The following SERPINH1 variants were observed in gnomAD, a reference collection of about 807,000 sequenced individuals.
The protein encoded by SERPINH1 is serpin H1.
A neutral mutation model predicts 32.3 loss-of-function variants in SERPINH1; 22 were observed. The ratio of observed to expected loss-of-function variants is 0.68; its 90% CI spans 0.49 to 0.97. The LOEUF is 0.97. SERPINH1 is among the 50% of genes least tolerant of loss of function. The pLI is 0.00. For missense variants in SERPINH1, 543 were observed against 576.4 expected (o/e 0.94, Z 0.59); for synonymous variants, 251 against 245.9 (o/e 1.02, Z -0.19).
intron 1 of SERPINH1, among the ~76,000 whole-genome samples, chr11:75,565,724 G>C (rs604021): frequency 0.33 from 50,479 of 152,128 alleles, 8,626 homozygotes; most frequent in South Asian, 0.48. Flanking sequence ...TCCCAGAGCA[G>C]AATGAAAGGC....
rs1407839158 is a variant in SERPINH1 at position 75,566,511 on chromosome 11, G to T, written c.162G>T (p.Leu54Phe). Residue 54 changes from leucine to phenylalanine, a missense_variant, in exon 2 of 5, where the codon TTG becomes TTT. This residue lies in a region of SERPINH1 where 109 missense variants were observed against 102.4 expected (regional missense o/e 1.06). Transcript: ENST00000358171. ...GCAGCGCCGGCCTGGCCTTCAGCTT[G>T]TACCAGGCCATGGCCAAGGACCAGG... ...AERSAGLAFS[L>F]YQAMAKDQAV... The T allele has an allele frequency of 1.2e-6, 2 of 1,612,444 alleles. No individual in the cohort carries two copies. Among genetic ancestry groups the T allele is most frequent in the Non-Finnish European group, 1.7e-6 (2 of 1,179,810 alleles).
At position 75,571,968 on chromosome 11, in the gene SERPINH1, TGTTCTACGCCGACCAC is replaced by T; in HGVS notation, c.1143_1158del (p.Phe382ProfsTer5). On this transcript the variant is annotated frameshift_variant, in exon 5 of 5. Transcript: ENST00000358171. LOFTEE classifies it high-confidence loss of function. ...CGCGAGGAGCTGCGCAGCCCCAAGC[TGTTCTACGCCGACCAC>T]CCCTTCATCTTCCTAGTGCGGGACA... The T allele has an allele frequency of 6.2e-7, 1 of 1,614,170 alleles. No homozygotes were observed. The highest frequency in any genetic ancestry group is 2.2e-5 in the East Asian group (1 of 44,880).
intron 4 of SERPINH1, 69 bp downstream of exon 4, chr11:75,569,240 C>T (rs1400356498): frequency 2.6e-6 from 3 of 1,166,140 alleles, no homozygotes; most frequent in Non-Finnish European, 3.8e-6. Flanking sequence ...GGGACCCACT[C>T]ACCAATTCAG....
At position 75,566,615 on chromosome 11, in the gene SERPINH1, C is replaced by G. The variant is rs1419722597; in HGVS notation, c.266C>G (p.Thr89Arg). ...GTGTCGCTGGGCGGCAAGGCGACCA[C>G]GGCGTCGCAGGCCAAGGCAGTGCTG... ...GLVSLGGKAT[T>R]ASQAKAVLSA... Residue 89 changes from threonine (T) to arginine (R), a missense_variant, in exon 2 of 5, where the codon ACG becomes AGG. By Grantham distance (71) the Thr-to-Arg change is moderately conservative (BLOSUM62 -1). Coordinates refer to ENST00000358171, the MANE Select transcript of SERPINH1 (RefSeq NM_001235.5). 6.2e-7 allele frequency: 1 copy of G among 1,607,360 alleles called. No individual in the cohort carries two copies. The highest frequency in any genetic ancestry group is 8.5e-7 in the Non-Finnish European group (1 of 1,179,012).
In SERPINH1 at chr11:75,569,118, G is replaced by A. The variant is rs1942153093; in HGVS notation, c.901G>A (p.Ala301Thr). 2 of 1,613,950 alleles carry A rather than the reference G, an allele frequency of 1.2e-6. No individual in the cohort carries two copies. Among genetic ancestry groups the A allele is most frequent in the South Asian group, 2.2e-5 (2 of 91,060 alleles). The change falls in exon 4 of 5, where the codon GCT becomes ACT. Residue 301 changes from alanine (A) to threonine (T), a missense_variant. Ala to Thr is a moderately conservative substitution (Grantham distance 58). Around this residue, in one of 3 missense-constraint regions of SERPINH1, gnomAD observed 427 missense variants for 446.4 expected, o/e 0.96. Coordinates refer to ENST00000358171, the MANE Select transcript of SERPINH1 (RefSeq NM_001235.5). Reference sequence around the variant, plus strand: ...CTGGATGGGGAAGATGCAGAAGAAGGCTGTTGCCATCTCCTTGCCCAAGGG... The same window carrying A: ...CTGGATGGGGAAGATGCAGAAGAAGACTGTTGCCATCTCCTTGCCCAAGGG... ...KIWMGKMQKK[A>T]VAISLPKGVV... is the part of the protein sequence containing the mutation.
At position 75,569,143 on chromosome 11, in the gene SERPINH1, G is replaced by A. The variant is rs753068848; in HGVS notation, c.926G>A (p.Gly309Asp). Residue 309 changes from glycine (G) to aspartate (D), a missense_variant, in exon 4 of 5, where the codon GGT (glycine) becomes GAT (aspartate). By Grantham distance (94) the Gly-to-Asp change is moderately conservative. Around this residue, in one of 3 missense-constraint regions of SERPINH1, gnomAD observed 427 missense variants for 446.4 expected, o/e 0.96. Transcript: ENST00000358171. ...GCTGTTGCCATCTCCTTGCCCAAGGGTGTGGTGGAGGTGACCCATGACCTG... is the reference window on the plus strand; with the variant it reads ...GCTGTTGCCATCTCCTTGCCCAAGGATGTGGTGGAGGTGACCCATGACCTG... ...KKAVAISLPK[G>D]VVEVTHDLQK... 6.8e-6 allele frequency: 11 copies of A among 1,612,478 alleles called. No individual in the cohort carries two copies. Among genetic ancestry groups the A allele is most frequent in the South Asian group, 3.3e-5 (3 of 90,830 alleles).
intron 4 of SERPINH1, among the ~76,000 whole-genome samples, chr11:75,570,689 C>T (rs1009745764): frequency 6.6e-6 from 1 of 152,184 alleles, no homozygotes; most frequent in Admixed American, 6.5e-5. Flanking sequence ...ATCCTGGACC[C>T]GGATGCTGCC....
rs1942140905 is a variant in SERPINH1 at position 75,568,788 on chromosome 11, C to T, written c.680C>T (p.Thr227Ile). The change falls in exon 3 of 5, where the codon ACT (threonine) becomes ATT (isoleucine). Residue 227 changes from threonine (T) to isoleucine (I), a missense_variant. Thr to Ile is a moderately conservative substitution (Grantham distance 89). This residue lies in a region of SERPINH1 where 427 missense variants were observed against 446.4 expected (regional missense o/e 0.96). Transcript: ENST00000358171. ...GTGGACAACCGTGGCTTCATGGTGA[C>T]TCGGTCCTATACCGTGGGTGTCATG... ...KMVDNRGFMV[T>I]RSYTVGVMMM... The T allele has an allele frequency of 6.2e-7, 1 of 1,614,010 alleles. No homozygotes were observed. The highest frequency in any genetic ancestry group is 2.2e-5 in the East Asian group (1 of 44,872).
chr11:75,568,791 G>C lies in SERPINH1; in HGVS notation c.683G>C (p.Arg228Pro), dbSNP rs759994312. ...MVDNRGFMVT[R>P]SYTVGVMMMH... The stretch of plus-strand genomic sequence containing the variant: ...GACAACCGTGGCTTCATGGTGACTC[G>C]GTCCTATACCGTGGGTGTCATGATG... Residue 228 changes from arginine to proline, a missense_variant, in exon 3 of 5, where the codon CGG (arginine) becomes CCG (proline). Physicochemically the swap from Arg to Pro is moderately radical, Grantham distance 103 (BLOSUM62 -2). Transcript: ENST00000358171. The C allele has an allele frequency of 6.2e-7, 1 of 1,613,834 alleles. No homozygotes were observed. The highest frequency in any genetic ancestry group is 8.5e-7 in the Non-Finnish European group (1 of 1,179,954).
chr11:75,571,077 TTGTG>T lies in SERPINH1; in HGVS notation c.955-688_955-685del, dbSNP rs373494315. Among the ~76,000 whole-genome samples the T allele has an allele frequency of 6.0e-5, 9 of 150,498 alleles. No homozygotes were observed. In the South Asian group the frequency reaches 1.3e-3, roughly 21 times the overall value. On this transcript the variant is annotated intron_variant, in intron 4 of 4. Transcript: ENST00000358171. ...GCTGTGCAGGGCCATGGAAAGATGT[TTGTG>T]TGTGTGTGTGTGTGTATGTGTGTAT... is the stretch of plus-strand genomic sequence containing the variant.
At chr11:75,569,727 T>C (rs1316165991) in intron 4 of SERPINH1, among the ~76,000 whole-genome samples, 2 of 152,182 alleles carry the variant, frequency 1.3e-5, no homozygotes, top group African/African-American at 2.4e-5. Context: ...CCAGCCTTTA[T>C]ACGTATTAAA....
rs544719966 is a variant in SERPINH1 at position 75,569,060 on chromosome 11, T to C, written c.843T>C (p.Leu281=). The C allele has an allele frequency of 1.4e-5, 22 of 1,614,202 alleles. 1 individual carries two copies. The South Asian group carries it at 2.0e-4, about 14-fold the overall frequency. The change falls in exon 4 of 5, where the codon CTT becomes CTC. Residue 281 remains leucine, a synonymous_variant. Coordinates refer to ENST00000358171, the MANE Select transcript of SERPINH1 (RefSeq NM_001235.5). ...ATCACGTGGAGCCTCTCGAGCGCCT[T>C]GAAAAGCTGCTAACCAAAGAGCAGC... ...MPHHVEPLER[L]EKLLTKEQLK... is the part of the protein sequence containing the mutation.
At chr11:75,568,406 C>A in intron 2 of SERPINH1, 1 of 416,922 alleles carries the variant, frequency 2.4e-6, no homozygotes, top group Non-Finnish European at 4.5e-6. Context: ...AGCATGTTTC[C>A]AAAATATCTG....
Position 75,572,178 on chromosome 11 carries a change from T to A in SERPINH1, c.*95T>A, listed in dbSNP as rs1942209867. ...TTGGGGGGGAGGTGAGGTACCAGCCTTGGATACTCCATGGGGTGGGGGTGG... is the reference window on the plus strand; with the variant it reads ...TTGGGGGGGAGGTGAGGTACCAGCCATGGATACTCCATGGGGTGGGGGTGG... On this transcript the variant is annotated 3_prime_UTR_variant, in exon 5 of 5. Transcript: ENST00000358171. 8.0e-7 allele frequency: 1 copy of A among 1,251,924 alleles called. No individual in the cohort carries two copies. Among genetic ancestry groups the A allele is most frequent in the Non-Finnish European group, 1.1e-6 (1 of 875,126 alleles). The allele number at this position is 1,251,924 out of a possible 1,614,324, so 77.6% of individuals were successfully genotyped here.
chr11:75,572,772 T>A lies in SERPINH1; in HGVS notation c.*689T>A, dbSNP rs1942223047. The A allele has an allele frequency of 6.5e-6, 1 of 153,974 alleles. No homozygotes were observed. Among genetic ancestry groups the A allele is most frequent in the Non-Finnish European group, 1.4e-5 (1 of 69,258 alleles). The allele number at this position is 153,974 out of a possible 1,614,324, so 9.5% of individuals were successfully genotyped here. Reference sequence around the variant, plus strand: ...GTACATTTTTTTTTTCAATAAAACTTTTCCAATGACATTTTGTTGGAGCGT... The same window carrying A: ...GTACATTTTTTTTTTCAATAAAACTATTCCAATGACATTTTGTTGGAGCGT... On this transcript the variant is annotated 3_prime_UTR_variant, in exon 5 of 5. Transcript: ENST00000358171.
chr11:75,570,447 C>T (rs1454916866), intron 4 of SERPINH1, among the ~76,000 whole-genome samples: 1 of 152,138 alleles, frequency 6.6e-6, no homozygotes, highest in Non-Finnish European at 1.5e-5. Context: ...TTGTCCCACC[C>T]CCTTCTCCCC....
intron 4 of SERPINH1, among the ~76,000 whole-genome samples, chr11:75,570,137 AT>A (rs1389829731): frequency 1.1e-4 from 17 of 152,146 alleles, no homozygotes; most frequent in African/African-American, 3.6e-4. Flanking sequence ...AGGTAAAAAC[AT>A]AATAGCCGCC....
chr11:75,564,054 G>A (rs1225629498), intron 1 of SERPINH1, among the ~76,000 whole-genome samples: 3 of 152,176 alleles, frequency 2.0e-5, no homozygotes, highest in South Asian at 2.1e-4. Flanking sequence ...CCCCAGTAGC[G>A]CATTTCCCTT....
At chr11:75,562,659 G>A (rs938342211) in intron 1 of SERPINH1, 1 of 152,650 alleles carries the variant, frequency 6.6e-6, no homozygotes, top group Admixed American at 6.5e-5. Flanking sequence ...TGGGGGCAGA[G>A]AGCAGAGCCT....
Sources: allele counts gnomAD v4.1 joint callset (sites outside exome capture counted in the v4.1 genomes callset), GRCh38; gene constraint gnomAD v4.1.1; regional missense constraint gnomAD v4.1.1; transcripts MANE v1.5; gene names NCBI Gene and HGNC (gene_info 2026-07-23, HGNC 2026-07-21).